Variants in LPP observed in about 807,000 individuals in gnomAD.
LPP encodes LIM domain containing preferred translocation partner in lipoma.
Under a neutral mutation model 60.4 loss-of-function variants are expected in LPP, and 38 were observed. That is an observed-to-expected ratio of 0.63 (90% CI 0.49 to 0.83). The LOEUF (loss-of-function observed/expected upper bound fraction) is 0.83. Ranked by LOEUF, LPP falls within the 40% of genes least tolerant of loss-of-function variation. LPP has a pLI of 0.00. For synonymous variants in LPP, 328 were observed against 290.8 expected (o/e 1.13, Z -1.30); for missense variants, 902 against 783.6 (o/e 1.15, Z -1.80).
chr3:188,735,253 C>T (rs1722073933), intron 8 of LPP, among the ~76,000 whole-genome samples: 1 of 151,860 alleles, frequency 6.6e-6, no homozygotes, highest in Admixed American at 6.6e-5. Flanking sequence ...CTAATTATAT[C>T]AACAATAGCT....
chr3:188,346,003 T>A (rs949230256), intron 3 of LPP, among the ~76,000 whole-genome samples: 2 of 152,116 alleles, frequency 1.3e-5, no homozygotes, highest in Non-Finnish European at 2.9e-5. Flanking sequence ...GCATAGATGA[T>A]GTCAAAGGAA....
chr3:188,323,171 G>T (rs1463394656), intron 2 of LPP, among the ~76,000 whole-genome samples: 1 of 152,136 alleles, frequency 6.6e-6, no homozygotes, highest in Non-Finnish European at 1.5e-5. Context: ...GTTGTTACTA[G>T]AGAAGGAACA....
chr3:188,344,104 C>T (rs1262532224), intron 3 of LPP, among the ~76,000 whole-genome samples: 1 of 152,190 alleles, frequency 6.6e-6, no homozygotes, highest in Non-Finnish European at 1.5e-5. Context: ...TAGGCAAGAT[C>T]TGTACTTGAA....
intron 9 of LPP, among the ~76,000 whole-genome samples, chr3:188,776,250 G>C (rs985122482): frequency 6.6e-6 from 1 of 152,204 alleles, no homozygotes; most frequent in Non-Finnish European, 1.5e-5. Flanking sequence ...GACTGGCATC[G>C]AGAAAGACCT....
chr3:188,547,977 A>G (rs768415146), intron 6 of LPP, among the ~76,000 whole-genome samples: 2 of 152,202 alleles, frequency 1.3e-5, no homozygotes, highest in Middle Eastern at 3.4e-3. Context: ...CTTATTACCT[A>G]TGTCTAACCT....
chr3:188,817,690 T>C (rs1019675179), intron 9 of LPP, among the ~76,000 whole-genome samples: 3 of 152,138 alleles, frequency 2.0e-5, no homozygotes, highest in African/African-American at 7.2e-5. Context: ...AGGAGACCTG[T>C]TTGACTTTGA....
At chr3:188,560,923 G>A (rs889731886) in intron 6 of LPP, among the ~76,000 whole-genome samples, 1 of 152,060 alleles carries the variant, frequency 6.6e-6, no homozygotes, top group African/African-American at 2.4e-5. Context: ...TAGAGATGAG[G>A]AAACAGGATG....
intron 3 of LPP, among the ~76,000 whole-genome samples, chr3:188,365,668 C>T (rs1481684278): frequency 6.7e-6 from 1 of 148,682 alleles, no homozygotes; most frequent in Non-Finnish European, 1.5e-5. Flanking sequence ...TAATGTCTTT[C>T]TTTCTTTCTT....
At position 188,708,578 on chromosome 3, in the gene LPP, T is replaced by C. The variant is rs185617680; in HGVS notation, c.1240+185T>C. 77 of 742,178 alleles carry C rather than the reference T, an allele frequency of 1.0e-4. 1 individual carries two copies. In the African/African-American group the frequency reaches 1.3e-3, roughly 12 times the overall value. The allele number at this position is 742,178 out of a possible 1,614,324, so 46.0% of individuals were successfully genotyped here. ...ATTTGCAAGACTGCCATAGATGTGA[T>C]GTCTACTTAGCTTATACTAAAATTT... On this transcript the variant is annotated intron_variant, in intron 8 of 11. Transcript: ENST00000617246.
rs77306205 is a variant in LPP, at chr3:188,555,296, G to T, written c.429+30509G>T. ...CCTCATGATCACATAGAACCTCATAGGACCTCTTATTCTTAGTTTAAGTGA... is the reference window on the plus strand; with the variant it reads ...CCTCATGATCACATAGAACCTCATATGACCTCTTATTCTTAGTTTAAGTGA... On this transcript the variant is annotated intron_variant, in intron 6 of 11. Transcript: ENST00000617246. 1.6e-3 allele frequency among the ~76,000 whole-genome samples: 237 copies of T among 152,156 alleles called. 2 individuals are homozygous for T. The highest frequency in any genetic ancestry group is 5.5e-3 in the African/African-American group (230 of 41,508).
At chr3:188,808,020 G>A (rs1373746987) in intron 9 of LPP, among the ~76,000 whole-genome samples, 2 of 152,212 alleles carry the variant, frequency 1.3e-5, no homozygotes, top group East Asian at 3.9e-4. Flanking sequence ...TAGGCCTTTA[G>A]TGTGGGGTGT....
At chr3:188,412,019 G>C (rs1031453105) in intron 4 of LPP, among the ~76,000 whole-genome samples, 11 of 149,246 alleles carry the variant, frequency 7.4e-5, no homozygotes, top group African/African-American at 1.7e-4. Context: ...AATGAAATTT[G>C]ATAATACTTT....
At chr3:188,544,386 T>C (rs1198129379) in intron 6 of LPP, among the ~76,000 whole-genome samples, 1 of 152,234 alleles carries the variant, frequency 6.6e-6, no homozygotes, top group Non-Finnish European at 1.5e-5. Flanking sequence ...TTATCATGTA[T>C]ATTCATTTAT....
At chr3:188,222,005 G>C (rs1715962144) in intron 1 of LPP, among the ~76,000 whole-genome samples, 1 of 152,170 alleles carries the variant, frequency 6.6e-6, no homozygotes, top group Non-Finnish European at 1.5e-5. Context: ...TTGGATGAGT[G>C]TCTAACTTCT....
At chr3:188,366,764 A>G (rs1314641054) in intron 3 of LPP, among the ~76,000 whole-genome samples, 1 of 152,234 alleles carries the variant, frequency 6.6e-6, no homozygotes, top group Non-Finnish European at 1.5e-5. Flanking sequence ...CATGCGTGTG[A>G]GAAAGCTGAG....
At chr3:188,607,370 G>T (rs1210531976) in intron 6 of LPP, among the ~76,000 whole-genome samples, 13 of 102,720 alleles carry the variant, frequency 1.3e-4, no homozygotes, top group African/African-American at 2.1e-4. Flanking sequence ...GAAAATAGAA[G>T]ATATATATAT....
chr3:188,501,195 A>C (rs1282308414), intron 5 of LPP, among the ~76,000 whole-genome samples: 2 of 152,032 alleles, frequency 1.3e-5, no homozygotes, highest in Non-Finnish European at 2.9e-5. Context: ...TATAGCTATA[A>C]ATTGCCTCGT....
chr3:188,460,459 C>T (rs1450133411), intron 4 of LPP, among the ~76,000 whole-genome samples: 2 of 152,170 alleles, frequency 1.3e-5, no homozygotes, highest in East Asian at 1.9e-4. Flanking sequence ...GGCTTTGTCC[C>T]TTGCAGAAAA....
At chr3:188,731,993 G>A (rs975577171) in intron 8 of LPP, among the ~76,000 whole-genome samples, 1 of 152,152 alleles carries the variant, frequency 6.6e-6, no homozygotes, top group Non-Finnish European at 1.5e-5. Flanking sequence ...GATGTGTTAA[G>A]GAGTATACGC....
Sources: allele counts gnomAD v4.1 joint callset (sites outside exome capture counted in the v4.1 genomes callset), GRCh38; gene constraint gnomAD v4.1.1; transcripts MANE v1.5; gene names NCBI Gene and HGNC (gene_info 2026-07-23, HGNC 2026-07-21).